CDC42BPA: variants seen among roughly 807,000 people sequenced by gnomAD.
CDC42BPA encodes the protein CDC42 binding protein kinase alpha, also known as serine/threonine-protein kinase MRCK alpha.
CDC42BPA carries 80 observed loss-of-function variants against 223.5 expected under a neutral mutation model. The observed-to-expected ratio is 0.36, with a 90% CI of 0.30 to 0.43. The LOEUF (loss-of-function observed/expected upper bound fraction) is 0.43, where lower values mean the gene tolerates loss of function less well. Among genes scored for constraint, CDC42BPA ranks in the 20% least tolerant of loss-of-function variants. CDC42BPA has a pLI of 1.00. For synonymous variants in CDC42BPA, 694 were observed against 718.6 expected, an observed-to-expected ratio of 0.97 and a Z score of 0.55; for missense variants, 1,743 against 2,099.9, an observed-to-expected ratio of 0.83 and a Z score of 3.32.
intron 14 of CDC42BPA, among the ~76,000 whole-genome samples, chr1:227,106,402 TTAA>T (rs1685936142): frequency 6.6e-6 from 1 of 152,204 alleles, no homozygotes; most frequent in African/African-American, 2.4e-5. Context: ...TTTTACTTTC[TTAA>T]TAATGTCCTT....
chr1:227,229,770 C>A (rs1677488978), intron 2 of CDC42BPA, among the ~76,000 whole-genome samples: 1 of 152,124 alleles, frequency 6.6e-6, no homozygotes, highest in Non-Finnish European at 1.5e-5. Context: ...TTTTAAAATG[C>A]CATTTTTCCA....
chr1:227,314,222 AC>A (rs1390938379), intron 1 of CDC42BPA, among the ~76,000 whole-genome samples: 1 of 151,440 alleles, frequency 6.6e-6, no homozygotes, highest in Non-Finnish European at 1.5e-5. Flanking sequence ...AAACATACAA[AC>A]CATAATCATT....
At chr1:227,070,256 A>G (rs1429804756) in intron 20 of CDC42BPA, among the ~76,000 whole-genome samples, 4 of 151,910 alleles carry the variant, frequency 2.6e-5, no homozygotes, top group Non-Finnish European at 5.9e-5. Flanking sequence ...AGTATGCACT[A>G]ATAAGAATAA....
chr1:227,079,250 A>G (rs1382548501), intron 17 of CDC42BPA, among the ~76,000 whole-genome samples: 1 of 152,170 alleles, frequency 6.6e-6, no homozygotes, highest in Non-Finnish European at 1.5e-5. Context: ...TGATTTCTGC[A>G]TATTTCGTTT....
chr1:227,246,291 T>C (rs1056911129), intron 2 of CDC42BPA, among the ~76,000 whole-genome samples: 18 of 152,148 alleles, frequency 1.2e-4, no homozygotes, highest in Admixed American at 3.9e-4. Context: ...ACAGACGTAG[T>C]AAAAATAAAA....
intron 35 of CDC42BPA, among the ~76,000 whole-genome samples, chr1:226,996,773 G>A (rs1337627583): frequency 7.9e-5 from 12 of 152,182 alleles, no homozygotes; most frequent in African/African-American, 2.9e-4. Flanking sequence ...ATTGACTTGC[G>A]TATGTGGAAC....
chr1:227,144,574 CAAAAAAAAAAAAAAA>C lies in CDC42BPA; in HGVS notation c.1143+900_1143+914del, dbSNP rs57568297. Among the ~76,000 whole-genome samples the C allele has an allele frequency of 1.7e-4, 11 of 63,484 alleles. 1 individual carries two copies. Among genetic ancestry groups the C allele is most frequent in the Middle Eastern group, 0.014 (1 of 72 alleles). The allele number at this position is 63,484 out of a possible 152,430, so 41.6% of individuals were successfully genotyped here. A position where few individuals can be genotyped will look rare whatever the true frequency, so the allele number is the denominator to read the frequency against. ...TGGGAGACAGAGCGAGACTCTGTCT[CAAAAAAAAAAAAAAA>C]AAAAAAAAAAAAAAAGAGGAAGGCT... On this transcript the variant is annotated intron_variant, in intron 8 of 36. Coordinates refer to ENST00000366766, the MANE Select transcript of CDC42BPA (RefSeq NM_001394014.1).
chr1:227,151,171 C>T (rs190433092), intron 6 of CDC42BPA, among the ~76,000 whole-genome samples: 2 of 152,244 alleles, frequency 1.3e-5, no homozygotes, highest in Non-Finnish European at 2.9e-5. Context: ...TCCCCTTCCC[C>T]TAGACCCTGG....
intron 6 of CDC42BPA, among the ~76,000 whole-genome samples, chr1:227,159,405 G>C (rs1164418822): frequency 6.6e-6 from 1 of 152,108 alleles, no homozygotes; most frequent in Non-Finnish European, 1.5e-5. Flanking sequence ...AGAATCACTT[G>C]AACTCAGGAG....
chr1:227,192,884 T>A (rs1209481137), intron 5 of CDC42BPA, among the ~76,000 whole-genome samples: 2 of 152,072 alleles, frequency 1.3e-5, no homozygotes, highest in Non-Finnish European at 2.9e-5. Flanking sequence ...ATACAGGACT[T>A]ATTTAGCAAA....
At chr1:227,301,841 C>A (rs1025148363) in intron 1 of CDC42BPA, among the ~76,000 whole-genome samples, 1 of 152,084 alleles carries the variant, frequency 6.6e-6, no homozygotes, top group Non-Finnish European at 1.5e-5. Flanking sequence ...AATATGGTTA[C>A]AGCATAATTT....
intron 5 of CDC42BPA, among the ~76,000 whole-genome samples, chr1:227,186,197 C>T (rs555020012): frequency 3.3e-5 from 5 of 152,216 alleles, no homozygotes; most frequent in South Asian, 4.1e-4. Flanking sequence ...ATAGGGAGGC[C>T]GCACATTTAT....
chr1:227,074,285 T>C lies in CDC42BPA; in HGVS notation c.2560A>G (p.Asn854Asp). ...GTTGCTCGTGTACCCAAGCTGGAAT[T>C]TCTTAATGCCTCCAATTCTTCAGTC... ...KMTEELEALR[N>D]SSLGTRATDM... is the part of the protein sequence containing the mutation. The change falls in exon 18 of 37, where the codon AAT becomes GAT. Residue 854 changes from asparagine (N) to aspartate (D), a missense_variant. By Grantham distance (23) the Asn-to-Asp change is conservative (BLOSUM62 1). Coordinates refer to ENST00000366766, the MANE Select transcript of CDC42BPA (RefSeq NM_001394014.1). 6.2e-7 allele frequency: 1 copy of C among 1,613,672 alleles called. No homozygotes were observed. Among genetic ancestry groups the C allele is most frequent in the Non-Finnish European group, 8.5e-7 (1 of 1,179,662 alleles).
chr1:227,307,428 G>C (rs73100303), intron 1 of CDC42BPA, among the ~76,000 whole-genome samples: 4,574 of 152,226 alleles, frequency 0.03, 204 homozygotes, highest in African/African-American at 0.1. Context: ...CTACGGTTAA[G>C]TATATACCAG....
chr1:227,059,420 G>C, intron 21 of CDC42BPA: 1 of 1,559,434 alleles, frequency 6.4e-7, no homozygotes, highest in Non-Finnish European at 8.7e-7. Flanking sequence ...CGCTTCAACA[G>C]AGAAAGGAGA....
At chr1:227,272,539 T>C (rs1686127794) in intron 1 of CDC42BPA, among the ~76,000 whole-genome samples, 1 of 152,090 alleles carries the variant, frequency 6.6e-6, no homozygotes, top group Admixed American at 6.5e-5. Flanking sequence ...GCTCTTACAA[T>C]ATAGTAAGAA....
At chr1:227,235,366 A>G (rs1678813856) in intron 2 of CDC42BPA, 1 of 152,230 alleles carries the variant, frequency 6.6e-6, no homozygotes, top group African/African-American at 2.4e-5. Flanking sequence ...TTTAGTATGT[A>G]GTCTGTCCAG....
intron 1 of CDC42BPA, among the ~76,000 whole-genome samples, chr1:227,264,591 C>T (rs1684659930): frequency 1.4e-5 from 2 of 143,482 alleles, no homozygotes; most frequent in South Asian, 2.1e-4. Context: ...AAGCAAGTCA[C>T]GGGATTTTCA....
intron 16 of CDC42BPA, among the ~76,000 whole-genome samples, chr1:227,086,060 ATCT>A (rs1338081137): frequency 1.3e-5 from 2 of 152,122 alleles, no homozygotes; most frequent in Non-Finnish European, 2.9e-5. Flanking sequence ...ATTTTCTGAA[ATCT>A]TCTATCAATG....
Sources: allele counts gnomAD v4.1 joint callset (sites outside exome capture counted in the v4.1 genomes callset), GRCh38; gene constraint gnomAD v4.1.1; transcripts MANE v1.5; gene names NCBI Gene and HGNC (gene_info 2026-07-23, HGNC 2026-07-21).